Variants in NRG1 observed in about 807,000 individuals in gnomAD.
NRG1 encodes pro-neuregulin-1, membrane-bound isoform.
In NRG1, 18 loss-of-function variants were observed where a neutral mutation model predicts 63.8. The ratio of observed to expected loss-of-function variants is 0.28; its 90% CI spans 0.19 to 0.42. NRG1 has a LOEUF of 0.42. Ranked by LOEUF, NRG1 falls within the 10% of genes least tolerant of loss-of-function variation. NRG1 has a pLI of 1.00. For synonymous variants in NRG1, 302 were observed against 301.3 expected (o/e 1.00, Z -0.02); for missense variants, 762 against 814.7 (o/e 0.94, Z 0.79).
intron 8 of NRG1, among the ~76,000 whole-genome samples, chr8:32,756,004 A>C (rs914000118): frequency 6.6e-6 from 1 of 152,170 alleles, no homozygotes; most frequent in African/African-American, 2.4e-5. Context: ...TGCCTCCGAA[A>C]GTGCTAAGCT....
At chr8:32,100,301 A>G in intron 1 of NRG1, among the ~76,000 whole-genome samples, 1 of 152,218 alleles carries the variant, frequency 6.6e-6, no homozygotes, top group East Asian at 1.9e-4. Flanking sequence ...TCAAGACAAC[A>G]TTTATATTGC....
At chr8:32,337,652 G>T (rs1182446652) in intron 1 of NRG1, among the ~76,000 whole-genome samples, 1 of 5,958 alleles carries the variant, frequency 1.7e-4, no homozygotes, top group African/African-American at 7.8e-4. Flanking sequence ...AAGAGTTATT[G>T]CAAAAAAAAA....
chr8:31,916,319 T>C (rs1310790093), intron 1 of NRG1, among the ~76,000 whole-genome samples: 1 of 152,150 alleles, frequency 6.6e-6, no homozygotes, highest in Non-Finnish European at 1.5e-5. Context: ...CACTAACTCG[T>C]CATCTAGCAT....
Position 31,663,065 on chromosome 8 carries a change from G to A in NRG1, c.37+23634G>A, listed in dbSNP as rs112790303. The stretch of plus-strand genomic sequence containing the variant: ...CCCTCTTGTCTTCCGTGCTCACTGC[G>A]TGGATGGAACACCCAGGCAATGGGA... On this transcript the variant is annotated intron_variant, in intron 1 of 10. Transcript: ENST00000519301. Among the ~76,000 whole-genome samples the A allele has an allele frequency of 7.3e-3, 1,105 of 152,244 alleles. 11 individuals carry two copies. The highest frequency in any genetic ancestry group is 0.025 in the African/African-American group (1,047 of 41,534).
chr8:32,596,954 G>C (rs2129537713), intron 2 of NRG1, among the ~76,000 whole-genome samples: 3 of 152,172 alleles, frequency 2.0e-5, no homozygotes, highest in Middle Eastern at 6.8e-3. Flanking sequence ...ACATCTTGGT[G>C]GATGCATTCT....
Position 31,800,460 on chromosome 8 carries a change from A to G in NRG1, c.37+161029A>G, listed in dbSNP as rs1821653734. Among the ~76,000 whole-genome samples the G allele has an allele frequency of 1.3e-5, 2 of 152,204 alleles. 1 individual carries two copies. Among genetic ancestry groups the G allele is most frequent in the South Asian group, 4.1e-4 (2 of 4,830 alleles). Reference sequence around the variant, plus strand: ...TTTTAAAGCATGTCTTATAGTGACCAAATGTTTCTACCGCATTTATCTCAG... The same window carrying G: ...TTTTAAAGCATGTCTTATAGTGACCGAATGTTTCTACCGCATTTATCTCAG... On this transcript the variant is annotated intron_variant, in intron 1 of 10. Coordinates refer to the NRG1 transcript ENST00000519301.
intron 1 of NRG1, among the ~76,000 whole-genome samples, chr8:32,150,811 C>T (rs919578371): frequency 2.6e-5 from 4 of 152,218 alleles, no homozygotes; most frequent in Non-Finnish European, 4.4e-5. Context: ...AAGAAGTGCC[C>T]ATACCCAATA....
At chr8:32,323,572 T>C (rs1801661320) in intron 1 of NRG1, among the ~76,000 whole-genome samples, 1 of 152,230 alleles carries the variant, frequency 6.6e-6, no homozygotes, top group South Asian at 2.1e-4. Flanking sequence ...GATTGGAGAA[T>C]TGTGAGCTCT....
intron 1 of NRG1, among the ~76,000 whole-genome samples, chr8:31,722,744 AT>A (rs979642647): frequency 4.6e-5 from 7 of 152,174 alleles, no homozygotes; most frequent in Non-Finnish European, 7.4e-5. Context: ...CATAGTCTGT[AT>A]GACCTAATGA....
At chr8:32,074,107 C>G (rs1326231383) in intron 1 of NRG1, among the ~76,000 whole-genome samples, 1 of 152,160 alleles carries the variant, frequency 6.6e-6, no homozygotes, top group African/African-American at 2.4e-5. Context: ...ATTAACATAA[C>G]TTTTTCAAGA....
intron 1 of NRG1, among the ~76,000 whole-genome samples, chr8:32,032,184 G>C (rs868144930): frequency 6.6e-6 from 1 of 151,832 alleles, no homozygotes; most frequent in Non-Finnish European, 1.5e-5. Flanking sequence ...GTTTTGATTT[G>C]CATTTCTCTA....
chr8:32,728,713 A>G (rs1284797869), intron 6 of NRG1: 1 of 914,074 alleles, frequency 1.1e-6, no homozygotes, highest in East Asian at 1.2e-4. Flanking sequence ...GTCTATAGAT[A>G]TATCTAGAAT....
chr8:31,712,718 C>T (rs549654165), intron 1 of NRG1, among the ~76,000 whole-genome samples: 5 of 152,100 alleles, frequency 3.3e-5, no homozygotes, highest in African/African-American at 9.6e-5. Context: ...TTATAGTAAC[C>T]GCATATCAGT....
chr8:32,468,222 G>C lies in NRG1; in HGVS notation c.38-127606G>C, dbSNP rs185128445. Among the ~76,000 whole-genome samples, 16 of 152,282 alleles carry C rather than the reference G, an allele frequency of 1.1e-4. No individual in the cohort carries two copies. In the East Asian group the frequency reaches 3.1e-3, roughly 29 times the overall value. Reference sequence around the variant, plus strand: ...ACTCTTTGAGATAGAAAGTTACCCTGATGCAGAATAATTACAGTCCAGCTT... The same window carrying C: ...ACTCTTTGAGATAGAAAGTTACCCTCATGCAGAATAATTACAGTCCAGCTT... On this transcript the variant is annotated intron_variant, in intron 1 of 10. Transcript: ENST00000519301.
At chr8:31,961,201 C>T (rs1233484441) in intron 1 of NRG1, among the ~76,000 whole-genome samples, 1 of 152,056 alleles carries the variant, frequency 6.6e-6, no homozygotes, top group African/African-American at 2.4e-5. Flanking sequence ...AAATCGATGC[C>T]GATAGAGTAA....
At chr8:31,765,787 T>C (rs1817999836) in intron 1 of NRG1, among the ~76,000 whole-genome samples, 1 of 152,180 alleles carries the variant, frequency 6.6e-6, no homozygotes, top group Non-Finnish European at 1.5e-5. Context: ...CTGGCTCTTT[T>C]ATCAGGCCAG....
In NRG1 at chr8:32,598,674, A is replaced by G. The variant is rs185894290; in HGVS notation, c.278+2669A>G. Among the ~76,000 whole-genome samples, 7 of 152,286 alleles carry G rather than the reference A, an allele frequency of 4.6e-5. No homozygotes were observed. The East Asian group carries it at 1.2e-3, about 25-fold the overall frequency. ...AACCATAAATCACTCGCAGCAAAGC[A>G]GTTAACATATTTGATCTAAAAATAA... On this transcript the variant is annotated intron_variant, in intron 2 of 11. Coordinates refer to ENST00000356819, the Ensembl canonical transcript of NRG1.
At chr8:31,989,675 T>A (rs902387139) in intron 1 of NRG1, among the ~76,000 whole-genome samples, 1 of 152,250 alleles carries the variant, frequency 6.6e-6, no homozygotes, top group African/African-American at 2.4e-5. Flanking sequence ...GCGACAGTAA[T>A]CCAATATAAG....
chr8:32,423,219 G>T (rs1816913166), intron 1 of NRG1, among the ~76,000 whole-genome samples: 1 of 152,168 alleles, frequency 6.6e-6, no homozygotes, highest in African/African-American at 2.4e-5. Flanking sequence ...GTGTTTTAAA[G>T]GTTATTGTCT....
Sources: gnomAD v4.1 joint callset for allele counts (sites outside exome capture counted in the v4.1 genomes callset) on GRCh38, gnomAD v4.1.1 for gene constraint, MANE v1.5 for transcripts, NCBI Gene and HGNC (gene_info 2026-07-23, HGNC 2026-07-21) for gene names.